The following UBE2G2 variants were observed in gnomAD, a reference collection of about 807,000 sequenced individuals.
UBE2G2 encodes ubiquitin conjugating enzyme E2 G2.
In UBE2G2, 10 loss-of-function variants were observed where a neutral mutation model predicts 23.0. That is an observed-to-expected ratio of 0.43 (90% CI 0.27 to 0.74). UBE2G2 has a LOEUF of 0.74. UBE2G2 is among the 30% of genes least tolerant of loss of function. The pLI is 0.19. For missense variants in UBE2G2, 150 were observed against 218.3 expected, an observed-to-expected ratio of 0.69 and a Z score of 1.97; for synonymous variants, 86 against 81.3, an observed-to-expected ratio of 1.06 and a Z score of -0.31.
rs114564238 is a variant in UBE2G2 at position 44,781,131 on chromosome 21, G to A, written c.126-3714C>T. On this transcript the variant is annotated intron_variant, in intron 3 of 5. Coordinates refer to ENST00000345496, the MANE Select transcript of UBE2G2 (RefSeq NM_003343.6). ...TGTGATAAAGAATTAAAATCACAGA[G>A]AATGCAAACTCATCCATCAGTATTT... Among the ~76,000 whole-genome samples the A allele has an allele frequency of 3.4e-3, 515 of 152,338 alleles. 4 individuals are homozygous for A. The highest frequency in any genetic ancestry group is 0.012 in the African/African-American group (504 of 41,584).
rs181146722 is a variant in UBE2G2 at position 44,793,889 on chromosome 21, G to C, written c.44-5794C>G. Among the ~76,000 whole-genome samples the C allele has an allele frequency of 1.0e-3, 154 of 152,276 alleles. 1 individual carries two copies. The highest frequency in any genetic ancestry group is 4.8e-3 in the South Asian group (23 of 4,826). On this transcript the variant is annotated intron_variant, in intron 1 of 5. Coordinates refer to ENST00000345496, the MANE Select transcript of UBE2G2 (RefSeq NM_003343.6). ...AACAAAAAGAAATTAAAAAGAACTT[G>C]AGTGTCTATCAACAGAGGACCAGTC...
chr21:44,796,647 C>T (rs2083092180), intron 1 of UBE2G2, among the ~76,000 whole-genome samples: 1 of 152,138 alleles, frequency 6.6e-6, no homozygotes, highest in Non-Finnish European at 1.5e-5. Flanking sequence ...AACAAATTAC[C>T]ACAAATTTAG....
chr21:44,776,319 A>G (rs972194056), intron 4 of UBE2G2, among the ~76,000 whole-genome samples: 8 of 152,106 alleles, frequency 5.3e-5, no homozygotes, highest in Admixed American at 2.0e-4. Flanking sequence ...TTTTAGGGCA[A>G]AAAAAGATTT....
At chr21:44,782,154 C>G (rs1291789965) in intron 3 of UBE2G2, among the ~76,000 whole-genome samples, 2 of 152,204 alleles carry the variant, frequency 1.3e-5, no homozygotes, top group East Asian at 1.9e-4. Context: ...CTCACTCCCC[C>G]TCCCAAAATC....
In UBE2G2 at chr21:44,801,693, T is replaced by C; in HGVS notation, c.43+13A>G. The C allele has an allele frequency of 6.6e-7, 1 of 1,512,372 alleles. No homozygotes were observed. The highest frequency in any genetic ancestry group is 8.8e-7 in the Non-Finnish European group (1 of 1,132,332). 93.7% of individuals were successfully genotyped at this position (1,512,372 alleles called of 1,614,324 possible). A position where few individuals can be genotyped will look rare whatever the true frequency, so the allele number is the denominator to read the frequency against. On this transcript the variant is annotated intron_variant, in intron 1 of 5. Coordinates refer to ENST00000345496, the MANE Select transcript of UBE2G2 (RefSeq NM_003343.6). ...CGCGGGACGCTGCTGACGGCCCGGGTCCCCAGACTCACGTTTGTACTCGGC... is the reference window on the plus strand; with the variant it reads ...CGCGGGACGCTGCTGACGGCCCGGGCCCCCAGACTCACGTTTGTACTCGGC...
At chr21:44,801,068 A>G (rs1451200540) in intron 1 of UBE2G2, 2 of 153,336 alleles carry the variant, frequency 1.3e-5, no homozygotes, top group African/African-American at 4.8e-5. Context: ...GACTTCTCGC[A>G]GCAGTTCTTC....
intron 3 of UBE2G2, among the ~76,000 whole-genome samples, chr21:44,780,279 T>A (rs2082946001): frequency 6.6e-6 from 1 of 152,204 alleles, no homozygotes. Context: ...GGCAGTGGTG[T>A]GCAGCAGCAT....
chr21:44,774,925 T>A, intron 4 of UBE2G2: 1 of 333,194 alleles, frequency 3.0e-6, no homozygotes, highest in South Asian at 2.3e-5. Context: ...TCCACACACA[T>A]CTCTTTATCT....
At chr21:44,792,472 A>G (rs961518122) in intron 1 of UBE2G2, among the ~76,000 whole-genome samples, 3 of 152,238 alleles carry the variant, frequency 2.0e-5, no homozygotes, top group East Asian at 1.9e-4. Context: ...TGATGGTTCT[A>G]TAAGTGTGTG....
chr21:44,782,006 A>G (rs919223563), intron 3 of UBE2G2, among the ~76,000 whole-genome samples: 2 of 152,244 alleles, frequency 1.3e-5, no homozygotes, highest in African/African-American at 4.8e-5. Context: ...TTCATCAATT[A>G]TAAGAACTTT....
chr21:44,797,572 G>T (rs1207138922), intron 1 of UBE2G2, among the ~76,000 whole-genome samples: 1 of 151,972 alleles, frequency 6.6e-6, no homozygotes, highest in African/African-American at 2.4e-5. Flanking sequence ...AAAATTAGCC[G>T]GGCATGGTGG....
rs782511725 is a variant in UBE2G2, at chr21:44,771,515, T to A, written c.386-26A>T. 2 of 1,604,600 alleles carry A rather than the reference T, an allele frequency of 1.2e-6. No individual in the cohort carries two copies. The highest frequency in any genetic ancestry group is 1.7e-6 in the Non-Finnish European group (2 of 1,177,498). On this transcript the variant is annotated intron_variant, in intron 5 of 5. Coordinates refer to ENST00000345496, the MANE Select transcript of UBE2G2 (RefSeq NM_003343.6). The surrounding 1 kb of genome is among the most constrained non-coding windows in gnomAD (Gnocchi z 4.6). ...CTGAAAGAAAAGGGAACACCCTCCATGTAAAAGGGAGTCTTATACGTAAGC... is the reference window on the plus strand; with the variant it reads ...CTGAAAGAAAAGGGAACACCCTCCAAGTAAAAGGGAGTCTTATACGTAAGC...
At chr21:44,794,901 A>G (rs76260048) in intron 1 of UBE2G2, among the ~76,000 whole-genome samples, 1,545 of 152,338 alleles carry the variant, frequency 0.01, 31 homozygotes, top group African/African-American at 0.036. Flanking sequence ...CTTTATCTAA[A>G]AAGACATATG....
intron 3 of UBE2G2, among the ~76,000 whole-genome samples, chr21:44,785,131 T>A (rs534749986): frequency 2.0e-5 from 3 of 152,238 alleles, no homozygotes; most frequent in African/African-American, 7.2e-5. Context: ...CTGATAAACC[T>A]CTCTGTTTTG....
At position 44,801,790 on chromosome 21, in the gene UBE2G2, G is replaced by C. The variant is rs556508977; in HGVS notation, c.-42C>G. Reference sequence around the variant, plus strand: ...CGCCGAGCGACCTCGCCTCAGCCGCGCGCGTGCCTCCTGCCCCGACACCGG... The same window carrying C: ...CGCCGAGCGACCTCGCCTCAGCCGCCCGCGTGCCTCCTGCCCCGACACCGG... On this transcript the variant is annotated 5_prime_UTR_variant, in exon 1 of 6. Transcript: ENST00000345496. The C allele has an allele frequency of 1.3e-6, 2 of 1,503,680 alleles. No individual in the cohort carries two copies. Among genetic ancestry groups the C allele is most frequent in the East Asian group, 2.9e-5 (1 of 35,052 alleles). 93.1% of individuals were successfully genotyped at this position (1,503,680 alleles called of 1,614,324 possible).
rs376052596 is a variant in UBE2G2 at position 44,796,633 on chromosome 21, C to T, written c.43+5073G>A. 6.6e-5 allele frequency among the ~76,000 whole-genome samples: 10 copies of T among 152,342 alleles called. No individual in the cohort carries two copies. The South Asian group carries it at 1.9e-3, about 28-fold the overall frequency. ...ACACTGTATTCATCTTCTGTCACTG[C>T]TGTAACAAATTACCACAAATTTAGT... On this transcript the variant is annotated intron_variant, in intron 1 of 5. Coordinates refer to ENST00000345496, the MANE Select transcript of UBE2G2 (RefSeq NM_003343.6).
In UBE2G2 at chr21:44,769,296, A is replaced by G. The variant is rs1402571473; in HGVS notation, c.*2081T>C. On this transcript the variant is annotated 3_prime_UTR_variant, in exon 6 of 6. Transcript: ENST00000345496. ...TTCTTTACAGAGAGGGCTCCATCTCATTTGCCTGCAAATACAACATAGGTA... is the reference window on the plus strand; with the variant it reads ...TTCTTTACAGAGAGGGCTCCATCTCGTTTGCCTGCAAATACAACATAGGTA... 6 of 150,944 alleles carry G rather than the reference A, an allele frequency of 4.0e-5. No individual in the cohort carries two copies. Among genetic ancestry groups the G allele is most frequent in the Non-Finnish European group, 7.4e-5 (5 of 67,906 alleles). The allele number at this position is 150,944 out of a possible 1,614,324, so 9.4% of individuals were successfully genotyped here.
chr21:44,796,843 C>G (rs2083093896), intron 1 of UBE2G2, among the ~76,000 whole-genome samples: 1 of 152,214 alleles, frequency 6.6e-6, no homozygotes, highest in South Asian at 2.1e-4. Context: ...CTTCTTGAGG[C>G]TGCCCGCCTT....
chr21:44,771,115 C>T lies in UBE2G2; in HGVS notation c.*262G>A. ...CTGGTTTCAGCGGGGAGAGGTAGTG[C>T]TGACAGCTCTGATAATCTACCTGAA... On this transcript the variant is annotated 3_prime_UTR_variant, in exon 6 of 6. Coordinates refer to ENST00000345496, the MANE Select transcript of UBE2G2 (RefSeq NM_003343.6). This position sits in a 1 kb window ranked among gnomAD's most constrained non-coding sequence, Gnocchi z 4.6. The T allele has an allele frequency of 2.3e-6, 1 of 431,312 alleles. No individual in the cohort carries two copies. Among genetic ancestry groups the T allele is most frequent in the Non-Finnish European group, 4.2e-6 (1 of 239,424 alleles). The allele number at this position is 431,312 out of a possible 1,614,324, so 26.7% of individuals were successfully genotyped here. A position where few individuals can be genotyped will look rare whatever the true frequency, so the allele number is the denominator to read the frequency against.
Sources: allele counts gnomAD v4.1 joint callset (sites outside exome capture counted in the v4.1 genomes callset), GRCh38; gene constraint gnomAD v4.1.1; non-coding constraint Gnocchi (gnomAD v3.1); transcripts MANE v1.5; gene names NCBI Gene and HGNC (gene_info 2026-07-23, HGNC 2026-07-21).